The following ARFGAP3 variants were observed in gnomAD, a reference collection of about 807,000 sequenced individuals.
The protein encoded by ARFGAP3 is ADP-ribosylation factor GTPase-activating protein 3.
ARFGAP3 carries 72 observed loss-of-function variants against 75.0 expected under a neutral mutation model. The observed-to-expected ratio is 0.96, with a 90% CI of 0.79 to 1.17. The LOEUF (loss-of-function observed/expected upper bound fraction) is 1.17. ARFGAP3 is among the 50% of genes most tolerant of loss of function. ARFGAP3 has a pLI of 0.00. For missense variants in ARFGAP3, 620 were observed against 626.6 expected (o/e 0.99, Z 0.11); for synonymous variants, 221 against 217.9 (o/e 1.01, Z -0.13).
intron 3 of ARFGAP3, among the ~76,000 whole-genome samples, chr22:42,837,638 AAC>A (rs1216757682): frequency 2.5e-4 from 33 of 133,308 alleles, no homozygotes; most frequent in Middle Eastern, 3.7e-3. Flanking sequence ...AAAAAAAAAA[AAC>A]CAAAAAAAAG....
At chr22:42,824,892 T>C (rs774723262) in intron 7 of ARFGAP3, among the ~76,000 whole-genome samples, 1 of 152,148 alleles carries the variant, frequency 6.6e-6, no homozygotes, top group Non-Finnish European at 1.5e-5. Context: ...CATCTTTATG[T>C]TCGTATGAAC....
intron 11 of ARFGAP3, among the ~76,000 whole-genome samples, chr22:42,815,235 A>G (rs993457321): frequency 1.3e-5 from 2 of 152,208 alleles, no homozygotes; most frequent in Non-Finnish European, 2.9e-5. Context: ...AAATCAAATT[A>G]CACATTTAAT....
intron 6 of ARFGAP3, among the ~76,000 whole-genome samples, chr22:42,830,064 G>C (rs1038065945): frequency 6.6e-6 from 1 of 152,148 alleles, no homozygotes; most frequent in African/African-American, 2.4e-5. Context: ...GGAAATCTCA[G>C]ACATTCCCAC....
intron 11 of ARFGAP3, among the ~76,000 whole-genome samples, chr22:42,814,424 T>C (rs1286656054): frequency 6.6e-6 from 1 of 152,198 alleles, no homozygotes; most frequent in Non-Finnish European, 1.5e-5. Context: ...CAGGTCGTGA[T>C]AAACAATACA....
At chr22:42,842,011 C>CTTTTTT (rs55825441) in intron 2 of ARFGAP3, among the ~76,000 whole-genome samples, 1 of 91,274 alleles carries the variant, frequency 1.1e-5, no homozygotes. Context: ...CCATGCCGGG[C>CTTTTTT]TTTTTTTTTT....
chr22:42,805,574 G>T (rs1055396458), intron 14 of ARFGAP3, among the ~76,000 whole-genome samples: 19 of 152,292 alleles, frequency 1.2e-4, no homozygotes, highest in African/African-American at 4.3e-4. Context: ...TGAAAGTTTG[G>T]AGATGGAACA....
chr22:42,839,810 T>C (rs1277381044), intron 3 of ARFGAP3, among the ~76,000 whole-genome samples: 1 of 152,190 alleles, frequency 6.6e-6, no homozygotes, highest in Non-Finnish European at 1.5e-5. Context: ...TGTGAACATA[T>C]TTCTTTGATT....
chr22:42,817,891 T>G, intron 9 of ARFGAP3, 34 bp from the exon 10 acceptor site: 1 of 1,522,298 alleles, frequency 6.6e-7, no homozygotes, highest in Non-Finnish European at 8.9e-7. Flanking sequence ...TTAATTTAGC[T>G]TTAATCCTTT....
At chr22:42,827,916 AT>A (rs961678624) in intron 6 of ARFGAP3, among the ~76,000 whole-genome samples, 36 of 152,076 alleles carry the variant, frequency 2.4e-4, no homozygotes, top group Non-Finnish European at 1.8e-4. Flanking sequence ...AAGTGTTGGT[AT>A]TACAGGCGTG....
chr22:42,847,656 T>A, intron 1 of ARFGAP3, 24 bp from the exon 2 acceptor site: 2 of 1,607,166 alleles, frequency 1.2e-6, no homozygotes, highest in Non-Finnish European at 1.7e-6. Flanking sequence ...TTAAATTCAG[T>A]TACTAATTTA....
In ARFGAP3 at chr22:42,796,514, A is replaced by C. The variant is rs534178309; in HGVS notation, c.*1074T>G. 62 of 152,364 alleles carry C rather than the reference A, an allele frequency of 4.1e-4. No individual in the cohort carries two copies. The highest frequency in any genetic ancestry group is 3.4e-3 in the Middle Eastern group (1 of 294). 9.4% of individuals were successfully genotyped at this position (152,364 alleles called of 1,614,324 possible). A position where few individuals can be genotyped will look rare whatever the true frequency, so the allele number is the denominator to read the frequency against. ...TTATTACGAAAGCTTTCAGGGAAAA[A>C]TGTAGGCAATGCCATCTGCTGCAAG... On this transcript the variant is annotated 3_prime_UTR_variant, in exon 16 of 16. Transcript: ENST00000263245.
At chr22:42,806,719 C>T (rs1925138709) in intron 14 of ARFGAP3, among the ~76,000 whole-genome samples, 1 of 152,232 alleles carries the variant, frequency 6.6e-6, no homozygotes, top group Non-Finnish European at 1.5e-5. Context: ...CAAGGGCTCA[C>T]AGCTAGAGGG....
intron 2 of ARFGAP3, among the ~76,000 whole-genome samples, chr22:42,843,899 T>C (rs1231410743): frequency 6.6e-6 from 1 of 152,228 alleles, no homozygotes; most frequent in Non-Finnish European, 1.5e-5. Flanking sequence ...CAGCAACCAA[T>C]GCAGTTTGCC....
chr22:42,802,037 G>C (rs1924885562), intron 14 of ARFGAP3, among the ~76,000 whole-genome samples: 1 of 152,124 alleles, frequency 6.6e-6, no homozygotes, highest in African/African-American at 2.4e-5. Flanking sequence ...GGTGGGCATT[G>C]GGTGGGGAGC....
chr22:42,849,392 G>A (rs1380977974), intron 1 of ARFGAP3, among the ~76,000 whole-genome samples: 5 of 152,262 alleles, frequency 3.3e-5, no homozygotes, highest in South Asian at 2.1e-4. Flanking sequence ...GTTCATAACC[G>A]AGGACTACGT....
At chr22:42,817,324 TAAAC>T (rs1236215102) in intron 10 of ARFGAP3, 60 bp from the exon 11 acceptor site, 4 of 1,532,348 alleles carry the variant, frequency 2.6e-6, no homozygotes, top group African/African-American at 1.4e-5. Flanking sequence ...TTCACCAAAA[TAAAC>T]AAAGCTTTAA....
intron 5 of ARFGAP3, 144 bp from the exon 6 acceptor site, chr22:42,831,780 T>C: frequency 1.4e-6 from 2 of 1,444,774 alleles, no homozygotes; most frequent in South Asian, 1.4e-5. Context: ...TCTACTTTTT[T>C]CTTGCTTTCT....
At chr22:42,851,831 AAAT>A (rs1185278118) in intron 1 of ARFGAP3, among the ~76,000 whole-genome samples, 7 of 152,244 alleles carry the variant, frequency 4.6e-5, no homozygotes, top group Non-Finnish European at 7.3e-5. Flanking sequence ...ATTAGTATAC[AAAT>A]AATAATAACA....
Position 42,822,392 on chromosome 22 carries a change from T to A in ARFGAP3, c.690A>T (p.Gly230=). Residue 230 remains glycine, a synonymous_variant, in exon 9 of 16, where the codon GGA becomes GGT. Transcript: ENST00000263245. ...TTGCCAGTTTCTGAGCTCCCAAACT[T>A]CCTTTTTTGGCCCCAAGCTAGAACA... ...QAKKGLGAKK[G]SLGAQKLANT... is the part of the protein sequence containing the mutation. 3.1e-6 allele frequency: 5 copies of A among 1,614,046 alleles called. No homozygotes were observed. Among genetic ancestry groups the A allele is most frequent in the Non-Finnish European group, 4.2e-6 (5 of 1,180,000 alleles).
Sources: gnomAD v4.1 joint callset for allele counts (sites outside exome capture counted in the v4.1 genomes callset) on GRCh38, gnomAD v4.1.1 for gene constraint, MANE v1.5 for transcripts, NCBI Gene and HGNC (gene_info 2026-07-23, HGNC 2026-07-21) for gene names.